SEPTIN7: variants seen among roughly 807,000 people sequenced by gnomAD.
The protein encoded by SEPTIN7 is septin 7, also known as septin-7.
A neutral mutation model predicts 63.3 loss-of-function variants in SEPTIN7; 10 were observed. That is an observed-to-expected ratio of 0.16 (90% CI 0.10 to 0.27). The LOEUF (loss-of-function observed/expected upper bound fraction) is 0.27. Ranked by LOEUF, SEPTIN7 falls within the 10% of genes least tolerant of loss-of-function variation. SEPTIN7 has a pLI of 1.00. For missense variants in SEPTIN7, 310 were observed against 521.0 expected (o/e 0.59, Z 3.94); for synonymous variants, 131 against 165.3 (o/e 0.79, Z 1.59).
At position 35,898,158 on chromosome 7, in the gene SEPTIN7, A is replaced by G. The variant is rs143471976; in HGVS notation, c.999-90A>G. On this transcript the variant is annotated intron_variant, in intron 11 of 13. Transcript: ENST00000350320. ...AAATATATTAATAGTGACATATAGCATCTGATTTGTTTTCATCAGCTGTTT... is the reference window on the plus strand; with the variant it reads ...AAATATATTAATAGTGACATATAGCGTCTGATTTGTTTTCATCAGCTGTTT... The G allele has an allele frequency of 3.0e-5, 27 of 914,026 alleles. No individual in the cohort carries two copies. The African/African-American group carries it at 3.8e-4, about 13-fold the overall frequency. The allele number at this position is 914,026 out of a possible 1,614,324, so 56.6% of individuals were successfully genotyped here.
intron 7 of SEPTIN7, among the ~76,000 whole-genome samples, chr7:35,881,846 T>C (rs1298065225): frequency 6.6e-6 from 1 of 152,038 alleles, no homozygotes; most frequent in Non-Finnish European, 1.5e-5. Flanking sequence ...CTGATGTTAA[T>C]AATAAGTTGT....
intron 1 of SEPTIN7, among the ~76,000 whole-genome samples, chr7:35,807,455 C>T (rs886937054): frequency 1.3e-5 from 2 of 151,376 alleles, no homozygotes; most frequent in Non-Finnish European, 2.9e-5. Context: ...AGGTCTGCCT[C>T]CCGGGTTCAC....
At chr7:35,810,463 A>G (rs1788620267) in intron 1 of SEPTIN7, among the ~76,000 whole-genome samples, 1 of 151,716 alleles carries the variant, frequency 6.6e-6, no homozygotes, top group Non-Finnish European at 1.5e-5. Flanking sequence ...AGCTGGGACT[A>G]CAGGCGCCCG....
intron 4 of SEPTIN7, among the ~76,000 whole-genome samples, chr7:35,864,163 A>G (rs918900635): frequency 6.6e-5 from 10 of 152,018 alleles, no homozygotes; most frequent in Admixed American, 1.3e-4. Flanking sequence ...ATAGTGTTCT[A>G]TATTAGTCAG....
At chr7:35,814,562 C>G (rs901801828) in intron 1 of SEPTIN7, among the ~76,000 whole-genome samples, 1 of 152,158 alleles carries the variant, frequency 6.6e-6, no homozygotes, top group Non-Finnish European at 1.5e-5. Context: ...CTTTTACCCA[C>G]TAACTTTAGT....
At chr7:35,856,656 C>G (rs1332859410) in intron 3 of SEPTIN7, among the ~76,000 whole-genome samples, 2 of 152,164 alleles carry the variant, frequency 1.3e-5, no homozygotes, top group Non-Finnish European at 2.9e-5. Flanking sequence ...TTTCTGCCTC[C>G]TTACCCTGAA....
chr7:35,846,284 C>A (rs1784662263), intron 3 of SEPTIN7, among the ~76,000 whole-genome samples: 1 of 152,106 alleles, frequency 6.6e-6, no homozygotes, highest in Non-Finnish European at 1.5e-5. Context: ...AGCCTGCCTC[C>A]CATTGTTGGA....
intron 3 of SEPTIN7, among the ~76,000 whole-genome samples, chr7:35,833,359 T>A (rs1006153214): frequency 6.6e-6 from 1 of 152,020 alleles, no homozygotes. Context: ...TAATTGAATG[T>A]AAGCACTGGA....
At chr7:35,826,236 G>A (rs1384335577) in intron 1 of SEPTIN7, among the ~76,000 whole-genome samples, 1 of 151,862 alleles carries the variant, frequency 6.6e-6, no homozygotes, top group African/African-American at 2.4e-5. Context: ...TATGATATAA[G>A]GCTTTTGTTA....
intron 11 of SEPTIN7, among the ~76,000 whole-genome samples, chr7:35,891,928 T>C (rs542421556): frequency 1.3e-5 from 2 of 152,320 alleles, no homozygotes; most frequent in East Asian, 3.9e-4. Flanking sequence ...TCTTTTTTCA[T>C]TTATACCTTT....
intron 10 of SEPTIN7, among the ~76,000 whole-genome samples, chr7:35,890,222 T>G (rs1333963782): frequency 6.6e-6 from 1 of 152,252 alleles, no homozygotes; most frequent in Non-Finnish European, 1.5e-5. Context: ...TGAAAACAAC[T>G]TGATATGTGA....
chr7:35,869,450 G>A (rs1437664625), intron 4 of SEPTIN7, among the ~76,000 whole-genome samples: 1 of 152,124 alleles, frequency 6.6e-6, no homozygotes, highest in Non-Finnish European at 1.5e-5. Context: ...AGTATCTCAG[G>A]CCATTCCAAT....
At chr7:35,802,836 G>A (rs528554678) in intron 1 of SEPTIN7, among the ~76,000 whole-genome samples, 49 of 152,322 alleles carry the variant, frequency 3.2e-4, no homozygotes, top group African/African-American at 1.1e-3. Flanking sequence ...GTCGTGGCGG[G>A]AGAGCAGTAA....
intron 1 of SEPTIN7, among the ~76,000 whole-genome samples, chr7:35,816,988 T>A (rs1198176562): frequency 6.6e-6 from 1 of 151,954 alleles, no homozygotes; most frequent in Non-Finnish European, 1.5e-5. Context: ...GACTTGCAAG[T>A]AGTTCCTACA....
At chr7:35,806,611 A>T (rs1350682580) in intron 1 of SEPTIN7, among the ~76,000 whole-genome samples, 1 of 152,218 alleles carries the variant, frequency 6.6e-6, no homozygotes, top group East Asian at 1.9e-4. Context: ...GTGCATACAC[A>T]CATCTTGTAG....
intron 4 of SEPTIN7, among the ~76,000 whole-genome samples, chr7:35,869,613 G>C (rs773055791): frequency 6.6e-6 from 1 of 152,142 alleles, no homozygotes; most frequent in Non-Finnish European, 1.5e-5. Flanking sequence ...TAAACATTAA[G>C]TTAGGTTAGT....
downstream of SEPTIN7, among the ~76,000 whole-genome samples, chr7:35,907,810 G>A (rs913445380): frequency 2.6e-5 from 4 of 152,104 alleles, no homozygotes; most frequent in Admixed American, 1.3e-4. Context: ...CTGTGAATTG[G>A]GCATGTAACT....
intron 11 of SEPTIN7, among the ~76,000 whole-genome samples, chr7:35,894,081 TG>T (rs1443233830): frequency 6.6e-6 from 1 of 151,318 alleles, no homozygotes; most frequent in Admixed American, 6.6e-5. Context: ...TGCAGATTGC[TG>T]ATCTCTTAAA....
At position 35,898,291 on chromosome 7, in the gene SEPTIN7, G is replaced by A; in HGVS notation, c.1042G>A (p.Ala348Thr). 1 of 1,551,888 alleles carries A rather than the reference G, an allele frequency of 6.4e-7. No individual in the cohort carries two copies. The highest frequency in any genetic ancestry group is 8.7e-7 in the Non-Finnish European group (1 of 1,146,696). Residue 348 changes from alanine to threonine, a missense_variant, in exon 12 of 14, where the codon GCT becomes ACT. Ala to Thr is a moderately conservative substitution (Grantham distance 58). Transcript: ENST00000350320. ...GGAAGAAGAAAGAAGGGAGCATGTA[G>A]CTAAAATGAAGAAGATGGAGATGGA... ...QMEEERREHV[A>T]KMKKMEMEME...
Sources: allele counts gnomAD v4.1 joint callset (sites outside exome capture counted in the v4.1 genomes callset), GRCh38; gene constraint gnomAD v4.1.1; transcripts MANE v1.5; gene names NCBI Gene and HGNC (gene_info 2026-07-23, HGNC 2026-07-21).